Variants in SLC7A10 observed in about 807,000 individuals in gnomAD.
The protein encoded by SLC7A10 is solute carrier family 7 member 10.
Under a neutral mutation model 52.7 loss-of-function variants are expected in SLC7A10, and 30 were observed. That is an observed-to-expected ratio of 0.57 (90% CI 0.43 to 0.77). The LOEUF is 0.77. SLC7A10 is among the 30% of genes least tolerant of loss of function. The pLI is 0.00. For missense variants in SLC7A10, 581 were observed against 698.5 expected (o/e 0.83, Z 1.90); for synonymous variants, 318 against 314.9 (o/e 1.01, Z -0.10).
At chr19:33,209,206 C>T in intron 10 of SLC7A10, 102 bp downstream of exon 10, 3 of 1,552,688 alleles carry the variant, frequency 1.9e-6, no homozygotes, top group Middle Eastern at 4.3e-4. Flanking sequence ...GTTCCCACCT[C>T]AGCTGCTAGG....
At chr19:33,223,244 G>A (rs752271121) in intron 1 of SLC7A10, among the ~76,000 whole-genome samples, 12 of 150,142 alleles carry the variant, frequency 8.0e-5, no homozygotes, top group Non-Finnish European at 1.5e-4. Context: ...GGAGGTGGAG[G>A]TTGCAATGAG....
Position 33,212,462 on chromosome 19 carries a change from C to T in SLC7A10, c.635-17G>A, listed in dbSNP as rs771589856. The T allele has an allele frequency of 3.2e-5, 52 of 1,613,716 alleles. No homozygotes were observed. Among genetic ancestry groups the T allele is most frequent in the Non-Finnish European group, 3.9e-5 (46 of 1,180,038 alleles). The stretch of plus-strand genomic sequence containing the variant: ...CGAAGTGTCCTGGAGGCCCAGAAGT[C>T]GGGGGTCAGCACCATCTCCCCAGCC... On this transcript the variant is annotated splice_polypyrimidine_tract_variant and intron_variant, in intron 4 of 10. Transcript: ENST00000253188.
intron 1 of SLC7A10, among the ~76,000 whole-genome samples, chr19:33,218,681 CT>C (rs60465370): frequency 0.027 from 2,173 of 81,804 alleles, 142 homozygotes; most frequent in African/African-American, 0.05. Context: ...TTCTTTCTTT[CT>C]TTTTTTTTTT....
At chr19:33,213,469 T>C (rs1396873907) in intron 2 of SLC7A10, among the ~76,000 whole-genome samples, 2 of 152,086 alleles carry the variant, frequency 1.3e-5, no homozygotes, top group Non-Finnish European at 2.9e-5. Flanking sequence ...TTTGTATTTT[T>C]AGTAGAGACG....
At chr19:33,209,523 C>T (rs764128907) in intron 9 of SLC7A10, 38 bp from the exon 10 acceptor site, 1 of 1,607,726 alleles carries the variant, frequency 6.2e-7, no homozygotes, top group Non-Finnish European at 8.5e-7. Flanking sequence ...TGGTGCAGGG[C>T]CTCCAGCTGT....
At chr19:33,211,088 C>T (rs1974538578) in intron 7 of SLC7A10, 137 bp downstream of exon 7, 2 of 988,728 alleles carry the variant, frequency 2.0e-6, no homozygotes, top group South Asian at 2.7e-5. Flanking sequence ...ACACTTGTTA[C>T]CGTGTGGGAT....
At chr19:33,215,518 G>A (rs1974652441) in intron 2 of SLC7A10, among the ~76,000 whole-genome samples, 1 of 146,914 alleles carries the variant, frequency 6.8e-6, no homozygotes, top group Admixed American at 7.1e-5. Context: ...GGAGTGCCCA[G>A]CACACATCAG....
rs547555306 is a variant in SLC7A10 at position 33,219,054 on chromosome 19, GT to G, written c.152-3082del. Among the ~76,000 whole-genome samples, 50 of 152,168 alleles carry G rather than the reference GT, an allele frequency of 3.3e-4. 4 individuals are homozygous for G. The South Asian group carries it at 0.01, about 31-fold the overall frequency. ...AGATACCGCTGAGCCCCTGTTGGGT[GT>G]CTGACCCATGGCTGACCAGAGAGAT... On this transcript the variant is annotated intron_variant, in intron 1 of 10. Coordinates refer to ENST00000253188, the MANE Select transcript of SLC7A10 (RefSeq NM_019849.3).
chr19:33,221,586 G>A (rs1454402416), intron 1 of SLC7A10, among the ~76,000 whole-genome samples: 1 of 152,154 alleles, frequency 6.6e-6, no homozygotes, highest in Non-Finnish European at 1.5e-5. Context: ...GGCTCCTCAG[G>A]GCCCCGGTGA....
At chr19:33,224,590 C>T (rs904140811) in intron 1 of SLC7A10, among the ~76,000 whole-genome samples, 3 of 152,044 alleles carry the variant, frequency 2.0e-5, no homozygotes, top group Non-Finnish European at 2.9e-5. Flanking sequence ...GGCAGGGGAC[C>T]GGGAAGACTG....
intron 1 of SLC7A10, among the ~76,000 whole-genome samples, chr19:33,219,459 G>T (rs1475571184): frequency 6.6e-6 from 1 of 152,144 alleles, no homozygotes; most frequent in Non-Finnish European, 1.5e-5. Context: ...TGGGGAATGT[G>T]CAGTCTGATT....
intron 1 of SLC7A10, among the ~76,000 whole-genome samples, chr19:33,222,463 A>T (rs56115487): frequency 0.48 from 49,324 of 103,272 alleles, 10,215 homozygotes; most frequent in Non-Finnish European, 0.59. Context: ...ATAAAATAAA[A>T]TAAATAAAAT....
At chr19:33,222,304 T>G (rs939078534) in intron 1 of SLC7A10, among the ~76,000 whole-genome samples, 1 of 151,502 alleles carries the variant, frequency 6.6e-6, no homozygotes. Flanking sequence ...AAGGCTGAGG[T>G]GGGAGGATTG....
chr19:33,211,117 C>T, intron 7 of SLC7A10, 108 bp downstream of exon 7: 1 of 1,142,722 alleles, frequency 8.8e-7, no homozygotes, highest in Non-Finnish European at 1.3e-6. Context: ...CAGCTTCAGG[C>T]AGACCCCTCC....
chr19:33,222,450 A>T lies in SLC7A10; in HGVS notation c.151+3103T>A, dbSNP rs80130387. Among the ~76,000 whole-genome samples, 105 of 77,688 alleles carry T rather than the reference A, an allele frequency of 1.4e-3. 1 individual carries two copies. Among genetic ancestry groups the T allele is most frequent in the Middle Eastern group, 7.0e-3 (1 of 142 alleles). The allele number at this position is 77,688 out of a possible 152,430, so 51.0% of individuals were successfully genotyped here. A position where few individuals can be genotyped will look rare whatever the true frequency, so the allele number is the denominator to read the frequency against. ...TAAAATAAAATAAAATAAAATAAAT[A>T]AAATAAAATAAAATAAATAAAATAA... On this transcript the variant is annotated intron_variant, in intron 1 of 10. Coordinates refer to ENST00000253188, the MANE Select transcript of SLC7A10 (RefSeq NM_019849.3).
chr19:33,209,059 C>CGGGATA, intron 10 of SLC7A10, 38 bp from the exon 11 acceptor site: 1 of 1,611,606 alleles, frequency 6.2e-7, no homozygotes, highest in Non-Finnish European at 8.5e-7. Context: ...CCTGACCTCT[C>CGGGATA]GGGATAGGGG....
chr19:33,225,319 A>AG (rs1202330526), intron 1 of SLC7A10, among the ~76,000 whole-genome samples: 1 of 152,202 alleles, frequency 6.6e-6, no homozygotes, highest in Admixed American at 6.5e-5. Flanking sequence ...CCAGCGGTGG[A>AG]GGGGACCCAA....
chr19:33,213,489 C>T lies in SLC7A10; in HGVS notation c.357-487G>A, dbSNP rs576953761. On this transcript the variant is annotated intron_variant, in intron 2 of 10. Transcript: ENST00000253188. The stretch of plus-strand genomic sequence containing the variant: ...ATTTTTAGTAGAGACGGAGTTTCAC[C>T]GTGTTAGCCAGGATGGTCTTGATCT... 3.3e-5 allele frequency among the ~76,000 whole-genome samples: 5 copies of T among 152,192 alleles called. No individual in the cohort carries two copies. In the South Asian group the frequency reaches 6.2e-4, roughly 19 times the overall value.
At chr19:33,211,592 C>T (rs951058396) in intron 5 of SLC7A10, 55 bp from the exon 6 acceptor site, 49 of 1,612,602 alleles carry the variant, frequency 3.0e-5, no homozygotes, top group South Asian at 1.8e-4. Flanking sequence ...GCAGGACCCC[C>T]GAGACCCAGC....
Sources: gnomAD v4.1 joint callset for allele counts (sites outside exome capture counted in the v4.1 genomes callset) on GRCh38, gnomAD v4.1.1 for gene constraint, MANE v1.5 for transcripts, NCBI Gene and HGNC (gene_info 2026-07-23, HGNC 2026-07-21) for gene names.